Variants in DSTN observed in about 807,000 individuals in gnomAD.
DSTN encodes the protein destrin, actin depolymerizing factor.
In DSTN, 10 loss-of-function variants were observed where a neutral mutation model predicts 16.8. That is an observed-to-expected ratio of 0.60 (90% confidence interval 0.37 to 1.01). The LOEUF (loss-of-function observed/expected upper bound fraction) is 1.01. Ranked by LOEUF, DSTN falls within the 50% of genes least tolerant of loss-of-function variation. DSTN has a pLI of 0.01. For missense variants in DSTN, 141 were observed against 196.7 expected, an observed-to-expected ratio of 0.72 and a Z score of 1.69; for synonymous variants, 57 against 58.9, an observed-to-expected ratio of 0.97 and a Z score of 0.14.
chr20:17,580,191 A>C (rs1034452358), intron 1 of DSTN, among the ~76,000 whole-genome samples: 2 of 152,210 alleles, frequency 1.3e-5, no homozygotes, highest in Non-Finnish European at 2.9e-5. Context: ...TGATGTAAAA[A>C]TATCATTTTA....
At position 17,600,925 on chromosome 20, in the gene DSTN, T is replaced by C. The variant is rs1346748806; in HGVS notation, c.191T>C (p.Ile64Thr). 5 of 1,614,032 alleles carry C rather than the reference T, an allele frequency of 3.1e-6. No homozygotes were observed. Among genetic ancestry groups the C allele is most frequent in the Non-Finnish European group, 4.2e-6 (5 of 1,179,958 alleles). ...TTGGTTGGAGATGTTGGTGTAACCATAACTGATCCTTTCAAGCATTTTGTG... is the reference window on the plus strand; with the variant it reads ...TTGGTTGGAGATGTTGGTGTAACCACAACTGATCCTTTCAAGCATTTTGTG... ...EILVGDVGVT[I>T]TDPFKHFVGM... is the part of the protein sequence containing the mutation. Residue 64 changes from isoleucine (I) to threonine (T), a missense_variant, in exon 2 of 4, where the codon ATA becomes ACA. Ile to Thr is a moderately conservative substitution (Grantham distance 89). Coordinates refer to ENST00000246069, the MANE Select transcript of DSTN (RefSeq NM_006870.4).
At chr20:17,578,308 G>T (rs2035302031) in intron 1 of DSTN, among the ~76,000 whole-genome samples, 2 of 152,210 alleles carry the variant, frequency 1.3e-5, no homozygotes, top group Admixed American at 1.3e-4. Flanking sequence ...ATGGGAGAGG[G>T]TATTCTTAAT....
intron 1 of DSTN, among the ~76,000 whole-genome samples, chr20:17,590,237 TC>T (rs1404159512): frequency 6.6e-6 from 1 of 152,204 alleles, no homozygotes; most frequent in African/African-American, 2.4e-5. Context: ...TACCCAGTGT[TC>T]CATATTCTTT....
intron 1 of DSTN, among the ~76,000 whole-genome samples, chr20:17,580,671 C>G (rs1438120776): frequency 1.3e-5 from 2 of 152,120 alleles, no homozygotes; most frequent in East Asian, 3.9e-4. Context: ...TCACTTGAAC[C>G]CGGGAGGCGG....
At chr20:17,599,966 A>C (rs373374555) in intron 1 of DSTN, among the ~76,000 whole-genome samples, 4 of 152,248 alleles carry the variant, frequency 2.6e-5, no homozygotes, top group African/African-American at 9.6e-5. Flanking sequence ...TAATAAAGTT[A>C]ATGTAAATAG....
intron 1 of DSTN, among the ~76,000 whole-genome samples, chr20:17,584,111 A>C (rs367738471): frequency 2.6e-5 from 4 of 152,092 alleles, no homozygotes; most frequent in African/African-American, 9.7e-5. Context: ...CAACTTTGTG[A>C]CTATACTGAA....
intron 1 of DSTN, among the ~76,000 whole-genome samples, chr20:17,584,398 C>T (rs1158003571): frequency 6.6e-6 from 1 of 152,012 alleles, no homozygotes; most frequent in Non-Finnish European, 1.5e-5. Flanking sequence ...GCCTGTAATC[C>T]CTGCACTTTG....
chr20:17,588,854 A>G (rs4814627), intron 1 of DSTN, among the ~76,000 whole-genome samples: 76,927 of 152,048 alleles, frequency 0.51, 23,311 homozygotes, highest in African/African-American at 0.84. Context: ...ACAGTGGGAC[A>G]AAGGATTTAG....
intron 1 of DSTN, among the ~76,000 whole-genome samples, chr20:17,582,165 G>T (rs546302349): frequency 6.8e-6 from 1 of 146,402 alleles, no homozygotes; most frequent in Admixed American, 7.1e-5. Context: ...TGCAACCTCC[G>T]CCTCCTAGGT....
chr20:17,591,047 G>T (rs926748533), intron 1 of DSTN, among the ~76,000 whole-genome samples: 1 of 152,226 alleles, frequency 6.6e-6, no homozygotes, highest in Non-Finnish European at 1.5e-5. Flanking sequence ...GATTGAGGCT[G>T]CAGTGAGCCA....
chr20:17,577,393 C>T (rs1213558707), intron 1 of DSTN, among the ~76,000 whole-genome samples: 1 of 152,060 alleles, frequency 6.6e-6, no homozygotes. Flanking sequence ...CATGGAGAAA[C>T]CCCATCTCTA....
chr20:17,597,665 T>C (rs1419040743), intron 1 of DSTN, among the ~76,000 whole-genome samples: 1 of 152,214 alleles, frequency 6.6e-6, no homozygotes, highest in Non-Finnish European at 1.5e-5. Flanking sequence ...ATTTAGTTCC[T>C]AAGTGCGAAC....
chr20:17,592,093 A>G (rs925126642), intron 1 of DSTN: 2 of 985,326 alleles, frequency 2.0e-6, no homozygotes, highest in Non-Finnish European at 2.4e-6. Flanking sequence ...TGTCTGCCTC[A>G]TGGTTTTAGT....
chr20:17,606,099 ACT>A (rs984607719), intron 3 of DSTN, among the ~76,000 whole-genome samples: 1 of 150,426 alleles, frequency 6.6e-6, no homozygotes, highest in African/African-American at 2.5e-5. Flanking sequence ...TAAGAGCAAA[ACT>A]CTGTCTCAAA....
intron 1 of DSTN, among the ~76,000 whole-genome samples, chr20:17,593,307 G>A (rs1440674411): frequency 6.6e-6 from 1 of 152,096 alleles, no homozygotes; most frequent in African/African-American, 2.4e-5. Context: ...AAGTATTGAA[G>A]CTTTGTATGT....
At chr20:17,598,049 T>C (rs2035546791) in intron 1 of DSTN, among the ~76,000 whole-genome samples, 1 of 152,224 alleles carries the variant, frequency 6.6e-6, no homozygotes. Flanking sequence ...CCAAGAAATA[T>C]TCCATTGTGT....
In DSTN at chr20:17,608,601, G is replaced by C. The variant is rs2035666256; in HGVS notation, c.*1455G>C. On this transcript the variant is annotated 3_prime_UTR_variant, in exon 4 of 4. Transcript: ENST00000246069. ...CCACTGTACTCCAGCCTGGATGACA[G>C]AGCAAGACCTTGTCTCAAAAAAAAA... The C allele has an allele frequency of 7.0e-6, 1 of 143,250 alleles. No individual in the cohort carries two copies. The highest frequency in any genetic ancestry group is 2.7e-5 in the African/African-American group (1 of 37,336). The allele number at this position is 143,250 out of a possible 1,614,324, so 8.9% of individuals were successfully genotyped here. A position where few individuals can be genotyped will look rare whatever the true frequency, so the allele number is the denominator to read the frequency against.
Position 17,607,638 on chromosome 20 carries a change from C to G in DSTN, c.*492C>G, listed in dbSNP as rs1488999033. ...TAATAGTAAGATTAAGTTAGGCAGT[C>G]TTCTACCAAATGTGTAATGGAGATT... On this transcript the variant is annotated 3_prime_UTR_variant, in exon 4 of 4. Coordinates refer to ENST00000246069, the MANE Select transcript of DSTN (RefSeq NM_006870.4). The G allele has an allele frequency of 1.3e-5, 2 of 152,500 alleles. No individual in the cohort carries two copies. The highest frequency in any genetic ancestry group is 2.9e-5 in the Non-Finnish European group (2 of 68,270). 9.4% of individuals were successfully genotyped at this position (152,500 alleles called of 1,614,324 possible).
At chr20:17,585,204 A>G (rs2035392502) in intron 1 of DSTN, among the ~76,000 whole-genome samples, 1 of 152,218 alleles carries the variant, frequency 6.6e-6, no homozygotes, top group South Asian at 2.1e-4. Flanking sequence ...TGGTCTGTTA[A>G]TAAATAAGGA....
Sources: allele counts gnomAD v4.1 joint callset (sites outside exome capture counted in the v4.1 genomes callset), GRCh38; gene constraint gnomAD v4.1.1; transcripts MANE v1.5; gene names NCBI Gene and HGNC (gene_info 2026-07-23, HGNC 2026-07-21).